AGBL1: variants seen among roughly 807,000 people sequenced by gnomAD.
AGBL1 encodes the protein cytosolic carboxypeptidase 4.
A neutral mutation model predicts 118.9 loss-of-function variants in AGBL1; 130 were observed. The observed-to-expected ratio is 1.09, with a 90% CI of 0.95 to 1.26. The LOEUF (loss-of-function observed/expected upper bound fraction) is 1.26, where lower values mean the gene tolerates loss of function less well. Ranked by LOEUF, AGBL1 falls within the 50% of genes most tolerant of loss-of-function variation. The pLI is 0.00. For missense variants in AGBL1, 1,584 were observed against 1,298.1 expected (o/e 1.22, Z -3.38); for synonymous variants, 555 against 478.9 (o/e 1.16, Z -2.08).
chr15:86,917,133 G>C (rs991329676), downstream of AGBL1, among the ~76,000 whole-genome samples: 12 of 152,164 alleles, frequency 7.9e-5, no homozygotes, highest in African/African-American at 1.7e-4. The surrounding 1 kb of genome is among the most constrained non-coding windows in gnomAD (Gnocchi z 4.8). Context: ...TGTTGGAAGG[G>C]GGAGTTTGAT....
chr15:86,516,173 T>C (rs1457182205), intron 18 of AGBL1, among the ~76,000 whole-genome samples: 1 of 152,228 alleles, frequency 6.6e-6, no homozygotes, highest in Non-Finnish European at 1.5e-5. Context: ...AAAGCCATTA[T>C]ATATGCATTT....
chr15:86,544,356 C>G (rs1452004868), intron 19 of AGBL1, among the ~76,000 whole-genome samples: 1 of 152,164 alleles, frequency 6.6e-6, no homozygotes, highest in Non-Finnish European at 1.5e-5. Flanking sequence ...AGCAAGACAG[C>G]AAACCCCTTA....
chr15:86,122,144 A>T (rs1330265857), intron 1 of AGBL1, among the ~76,000 whole-genome samples: 1 of 152,210 alleles, frequency 6.6e-6, no homozygotes, highest in African/African-American at 2.4e-5. Flanking sequence ...TCTACTGCTG[A>T]TGGAAAATAG....
chr15:86,694,993 A>G (rs889376641), intron 22 of AGBL1, among the ~76,000 whole-genome samples: 2 of 151,982 alleles, frequency 1.3e-5, no homozygotes, highest in Non-Finnish European at 2.9e-5. Flanking sequence ...GGATTCGGTT[A>G]GCTAGTATTT....
chr15:86,866,287 TC>T (rs1399259871), intron 22 of AGBL1, among the ~76,000 whole-genome samples: 1 of 152,206 alleles, frequency 6.6e-6, no homozygotes, highest in Non-Finnish European at 1.5e-5. Flanking sequence ...ATATACCATT[TC>T]CTCAGGTACT....
intron 18 of AGBL1, among the ~76,000 whole-genome samples, chr15:86,507,197 A>C (rs895516600): frequency 1.3e-5 from 2 of 152,106 alleles, no homozygotes; most frequent in Non-Finnish European, 2.9e-5. Flanking sequence ...TGTTAATGCC[A>C]TGTATTTGAA....
At chr15:86,270,752 C>A (rs1408913316) in intron 14 of AGBL1, among the ~76,000 whole-genome samples, 1 of 152,196 alleles carries the variant, frequency 6.6e-6, no homozygotes, top group African/African-American at 2.4e-5. Context: ...TTTATATTCA[C>A]TTTGTATGGC....
intron 22 of AGBL1, among the ~76,000 whole-genome samples, chr15:86,791,822 C>T (rs1371117718): frequency 6.6e-5 from 10 of 151,642 alleles, no homozygotes; most frequent in Admixed American, 2.6e-4. Context: ...CCACAACCCC[C>T]GCTTCCCAGG....
chr15:86,815,598 T>G (rs916272608), intron 22 of AGBL1, among the ~76,000 whole-genome samples: 7 of 152,100 alleles, frequency 4.6e-5, no homozygotes, highest in Non-Finnish European at 7.4e-5. Flanking sequence ...TTTTTAAGAT[T>G]AATTGGAGCA....
chr15:86,916,882 A>T (rs112497591), downstream of AGBL1, among the ~76,000 whole-genome samples: 3,353 of 152,292 alleles, frequency 0.022, 73 homozygotes, highest in Admixed American at 0.061. Flanking sequence ...ACAATGATCT[A>T]TTCAGAGCAC....
chr15:86,580,324 G>A (rs2084155999), intron 21 of AGBL1, among the ~76,000 whole-genome samples: 2 of 152,006 alleles, frequency 1.3e-5, no homozygotes, highest in Non-Finnish European at 2.9e-5. Context: ...AGTATTGAAA[G>A]TATACTTTTG....
chr15:87,029,560 A>G (rs943325173), downstream of AGBL1, among the ~76,000 whole-genome samples: 1 of 151,946 alleles, frequency 6.6e-6, no homozygotes, highest in African/African-American at 2.4e-5. Flanking sequence ...GTACTTATGT[A>G]TAATTTCTTA....
chr15:86,442,717 T>C (rs2082079266), intron 18 of AGBL1, among the ~76,000 whole-genome samples: 1 of 152,012 alleles, frequency 6.6e-6, no homozygotes, highest in Non-Finnish European at 1.5e-5. Flanking sequence ...ATAGCTCTGG[T>C]GGATTATGGG....
chr15:86,811,167 A>C (rs1364666442), intron 22 of AGBL1, among the ~76,000 whole-genome samples: 1 of 152,172 alleles, frequency 6.6e-6, no homozygotes, highest in East Asian at 1.9e-4. Context: ...AATGAACATC[A>C]AGACCAGCTA....
intron 23 of AGBL1, among the ~76,000 whole-genome samples, chr15:86,931,687 G>T (rs549843092): frequency 2.0e-5 from 3 of 152,036 alleles, no homozygotes; most frequent in African/African-American, 7.3e-5. Context: ...TTTAAGGTAT[G>T]TGTGTGGTGT....
intron 5 of AGBL1, among the ~76,000 whole-genome samples, chr15:86,223,353 T>G (rs1216995652): frequency 2.0e-5 from 3 of 152,178 alleles, no homozygotes; most frequent in Non-Finnish European, 4.4e-5. Flanking sequence ...GGTTTCCTTC[T>G]TCTCTGCTCA....
Position 86,669,220 on chromosome 15 carries a change from G to A in AGBL1, c.2995-5053G>A, listed in dbSNP as rs535881240. On this transcript the variant is annotated intron_variant, in intron 21 of 22. Coordinates refer to ENST00000614907, the MANE Select transcript of AGBL1 (RefSeq NM_001386094.1). Reference sequence around the variant, plus strand: ...GATGCCCAGAAACACTGCATATGCAGGAATAATCAGGTATGATAATATAAA... The same window carrying A: ...GATGCCCAGAAACACTGCATATGCAAGAATAATCAGGTATGATAATATAAA... Among the ~76,000 whole-genome samples the A allele has an allele frequency of 9.2e-5, 14 of 152,170 alleles. No homozygotes were observed. The South Asian group carries it at 2.9e-3, about 32-fold the overall frequency.
At chr15:86,919,441 G>A (rs2080462082), downstream of AGBL1, among the ~76,000 whole-genome samples, 1 of 151,954 alleles carries the variant, frequency 6.6e-6, no homozygotes, top group Non-Finnish European at 1.5e-5. Flanking sequence ...GTGGCTACAA[G>A]ATGAAAAGAC....
intron 23 of AGBL1, among the ~76,000 whole-genome samples, chr15:86,934,044 A>G (rs1046459115): frequency 6.6e-6 from 1 of 152,246 alleles, no homozygotes; most frequent in African/African-American, 2.4e-5. Flanking sequence ...TATAGAAACA[A>G]AATAATAAAA....
Sources: gnomAD v4.1 joint callset for allele counts (sites outside exome capture counted in the v4.1 genomes callset) on GRCh38, gnomAD v4.1.1 for gene constraint, Gnocchi (gnomAD v3.1) non-coding constraint, MANE v1.5 for transcripts, NCBI Gene and HGNC (gene_info 2026-07-23, HGNC 2026-07-21) for gene names.